The following ERP44 variants were observed in gnomAD, a reference collection of about 807,000 sequenced individuals.
ERP44 encodes endoplasmic reticulum resident protein 44.
In ERP44, 25 loss-of-function variants were observed where a neutral mutation model predicts 53.4. The observed-to-expected ratio is 0.47, with a 90% CI of 0.34 to 0.65. The LOEUF is 0.65. ERP44 is among the 30% of genes least tolerant of loss of function. ERP44 has a pLI of 0.01. For missense variants in ERP44, 338 were observed against 493.2 expected (o/e 0.69, Z 2.98); for synonymous variants, 145 against 161.2 (o/e 0.90, Z 0.76).
intron 4 of ERP44, among the ~76,000 whole-genome samples, chr9:100,032,125 T>G (rs1467002210): frequency 6.4e-4 from 98 of 152,266 alleles, no homozygotes; most frequent in Non-Finnish European, 1.8e-4. Flanking sequence ...CTCTTTTTTT[T>G]GGGATCCAGG....
intron 10 of ERP44, among the ~76,000 whole-genome samples, chr9:99,996,179 C>T (rs1040525561): frequency 3.9e-5 from 6 of 152,030 alleles, no homozygotes; most frequent in South Asian, 4.2e-4. Context: ...ATTTGGGTCA[C>T]GGAGGCAGAT....
intron 1 of ERP44, among the ~76,000 whole-genome samples, chr9:100,067,474 G>C (rs1326968024): frequency 6.6e-6 from 1 of 152,242 alleles, no homozygotes; most frequent in Non-Finnish European, 1.5e-5. Context: ...ATTGCAGACG[G>C]AGTCTGGTTC....
At chr9:100,004,610 T>C (rs182219715) in intron 10 of ERP44, among the ~76,000 whole-genome samples, 3 of 152,282 alleles carry the variant, frequency 2.0e-5, no homozygotes, top group Non-Finnish European at 4.4e-5. Context: ...TCCTTCTCCT[T>C]TCCCCACATG....
Position 100,018,620 on chromosome 9 carries a change from T to TAA in ERP44, c.588-309_588-308dup, listed in dbSNP as rs1391913534. Among the ~76,000 whole-genome samples the TAA allele has an allele frequency of 1.8e-4, 27 of 150,752 alleles. No individual in the cohort carries two copies. The East Asian group carries it at 4.8e-3, about 27-fold the overall frequency. ...CATTGGTTTGGTCACATGGACTAAT[T>TAA]AAAAAAAAACAAAAACGAAATAACC... On this transcript the variant is annotated intron_variant, in intron 6 of 11. Coordinates refer to ENST00000262455, the MANE Select transcript of ERP44 (RefSeq NM_015051.3).
chr9:100,070,406 T>G (rs1213128747), intron 1 of ERP44, among the ~76,000 whole-genome samples: 2 of 152,226 alleles, frequency 1.3e-5, no homozygotes, highest in Non-Finnish European at 2.9e-5. Flanking sequence ...TCAAATATTT[T>G]AATTTAAAAG....
intron 4 of ERP44, among the ~76,000 whole-genome samples, chr9:100,043,623 C>A (rs539408303): frequency 1.3e-5 from 2 of 151,954 alleles, no homozygotes; most frequent in Non-Finnish European, 2.9e-5. Flanking sequence ...GCCGTGGTGG[C>A]GCACACCTGT....
chr9:100,035,728 G>C (rs886147571), intron 4 of ERP44, among the ~76,000 whole-genome samples: 15 of 151,816 alleles, frequency 9.9e-5, no homozygotes, highest in African/African-American at 3.6e-4. Flanking sequence ...AACAAAAAGT[G>C]GACAAAGGAT....
chr9:99,996,145 G>C (rs1386559313), intron 10 of ERP44, among the ~76,000 whole-genome samples: 3 of 152,080 alleles, frequency 2.0e-5, no homozygotes, highest in South Asian at 2.1e-4. Context: ...TGGAGGTGCT[G>C]GTAGGTGGTG....
chr9:99,993,823 C>A (rs900709505), intron 10 of ERP44, among the ~76,000 whole-genome samples: 1 of 151,514 alleles, frequency 6.6e-6, no homozygotes, highest in Non-Finnish European at 1.5e-5. Flanking sequence ...CAAGAAAAAA[C>A]CCCATCAAAA....
intron 2 of ERP44, among the ~76,000 whole-genome samples, chr9:100,059,112 A>G (rs755966953): frequency 5.9e-5 from 9 of 152,232 alleles, no homozygotes; most frequent in Non-Finnish European, 1.2e-4. Flanking sequence ...AAGAGACTCC[A>G]TAAGACAGGA....
At chr9:99,995,932 T>TA (rs932737240) in intron 10 of ERP44, among the ~76,000 whole-genome samples, 12 of 151,088 alleles carry the variant, frequency 7.9e-5, no homozygotes, top group Admixed American at 2.0e-4. Context: ...TTTTTTTTTT[T>TA]TTTTTTTTTA....
chr9:100,012,289 A>ATATCT (rs1422944595), intron 8 of ERP44, among the ~76,000 whole-genome samples: 1 of 152,244 alleles, frequency 6.6e-6, no homozygotes. Context: ...TATCTAGTGC[A>ATATCT]ATAGAGCCTG....
At chr9:99,990,226 C>T (rs192881999) in intron 10 of ERP44, among the ~76,000 whole-genome samples, 9 of 152,140 alleles carry the variant, frequency 5.9e-5, no homozygotes, top group Non-Finnish European at 1.2e-4. Context: ...GTCAGATTCA[C>T]CAAAGTTGAA....
chr9:99,987,720 C>T (rs1830209151), intron 10 of ERP44, among the ~76,000 whole-genome samples: 1 of 151,964 alleles, frequency 6.6e-6, no homozygotes, highest in South Asian at 2.1e-4. Context: ...TGTTGACCTT[C>T]TATGTTGTCA....
At chr9:99,998,160 G>T in intron 10 of ERP44, 1 of 200,996 alleles carries the variant, frequency 5.0e-6, no homozygotes, top group Non-Finnish European at 1.0e-5. Context: ...TGGTTTCTGT[G>T]TGTTTCTATG....
At chr9:100,055,008 A>G (rs988165677) in intron 3 of ERP44, among the ~76,000 whole-genome samples, 2 of 152,172 alleles carry the variant, frequency 1.3e-5, no homozygotes, top group Non-Finnish European at 2.9e-5. Context: ...ACTTACTAAT[A>G]TGATCTAGTT....
rs1235415986 is a variant in ERP44, at chr9:100,006,555, T to G, written c.967A>C (p.Ile323Leu). ...KTPADCPVIA[I>L]DSFRHMYVFG... Reference sequence around the variant, plus strand: ...ACATACATATGCCTAAAGCTGTCAATAGCGATTACAGGACAATCTGCTGGA... The same window carrying G: ...ACATACATATGCCTAAAGCTGTCAAGAGCGATTACAGGACAATCTGCTGGA... Residue 323 changes from isoleucine (I) to leucine (L), a missense_variant, in exon 10 of 12, where the codon ATT (isoleucine) becomes CTT (leucine). Physicochemically the swap from Ile to Leu is conservative, Grantham distance 5. Coordinates refer to ENST00000262455, the MANE Select transcript of ERP44 (RefSeq NM_015051.3). 2 of 1,611,234 alleles carry G rather than the reference T, an allele frequency of 1.2e-6. No homozygotes were observed. Among genetic ancestry groups the G allele is most frequent in the Non-Finnish European group, 8.5e-7 (1 of 1,178,254 alleles).
chr9:100,032,496 G>A (rs1825802729), intron 4 of ERP44, among the ~76,000 whole-genome samples: 1 of 152,128 alleles, frequency 6.6e-6, no homozygotes, highest in South Asian at 2.1e-4. Context: ...CATACAAGAA[G>A]CATTGCCAAA....
chr9:100,023,597 C>A (rs1830619815), intron 4 of ERP44, among the ~76,000 whole-genome samples: 1 of 151,462 alleles, frequency 6.6e-6, no homozygotes, highest in African/African-American at 2.4e-5. Flanking sequence ...CCTGGCTAAT[C>A]TTAAATTTTT....
Sources: gnomAD v4.1 joint callset for allele counts (sites outside exome capture counted in the v4.1 genomes callset) on GRCh38, gnomAD v4.1.1 for gene constraint, MANE v1.5 for transcripts, NCBI Gene and HGNC (gene_info 2026-07-23, HGNC 2026-07-21) for gene names.